HIP1: variants seen among roughly 807,000 people sequenced by gnomAD.
HIP1 encodes huntingtin-interacting protein 1.
Under a neutral mutation model 147.6 loss-of-function variants are expected in HIP1, and 65 were observed. The ratio of observed to expected loss-of-function variants is 0.44; its 90% CI spans 0.36 to 0.54. The LOEUF (loss-of-function observed/expected upper bound fraction) is 0.54. HIP1 is among the 20% of genes least tolerant of loss of function. The pLI is 0.00. For missense variants in HIP1, 1,061 were observed against 1,299.6 expected (o/e 0.82, Z 2.82); for synonymous variants, 479 against 504.0 (o/e 0.95, Z 0.67).
At chr7:75,636,507 C>A (rs587709141) in intron 1 of HIP1, among the ~76,000 whole-genome samples, 23 of 152,324 alleles carry the variant, frequency 1.5e-4, no homozygotes, top group African/African-American at 5.5e-4. Context: ...CAAAGGCCCC[C>A]AGAGCGAGGA....
At position 75,537,115 on chromosome 7, in the gene HIP1, A is replaced by T. The variant is rs1794110861; in HGVS notation, c.*1057T>A. 8.6e-6 allele frequency: 2 copies of T among 232,588 alleles called. No individual in the cohort carries two copies. The highest frequency in any genetic ancestry group is 5.6e-5 in the Admixed American group (1 of 17,754). The allele number at this position is 232,588 out of a possible 1,614,324, so 14.4% of individuals were successfully genotyped here. A position where few individuals can be genotyped will look rare whatever the true frequency, so the allele number is the denominator to read the frequency against. Reference sequence around the variant, plus strand: ...GACAGAGACCATTCACGGACAGTTCATTCCGGCAGGGAAGTAGTGTTGTTG... The same window carrying T: ...GACAGAGACCATTCACGGACAGTTCTTTCCGGCAGGGAAGTAGTGTTGTTG... On this transcript the variant is annotated 3_prime_UTR_variant, in exon 31 of 31. Transcript: ENST00000336926.
chr7:75,670,689 C>G (rs1554515186), intron 1 of HIP1, among the ~76,000 whole-genome samples: 1 of 151,762 alleles, frequency 6.6e-6, no homozygotes, highest in Non-Finnish European at 1.5e-5. Flanking sequence ...ACACAGCTCA[C>G]TGCGGCTTTG....
chr7:75,542,075 G>A, intron 28 of HIP1, 95 bp from the exon 29 acceptor site: 2 of 1,010,522 alleles, frequency 2.0e-6, no homozygotes, highest in Non-Finnish European at 3.2e-6. Flanking sequence ...GGAAACGCCT[G>A]GCTTGCCATT....
intron 7 of HIP1, among the ~76,000 whole-genome samples, chr7:75,575,997 G>A (rs1351633042): frequency 1.3e-5 from 2 of 152,130 alleles, no homozygotes; most frequent in African/African-American, 4.8e-5. Context: ...TCACTGCAAG[G>A]CAGCCATCCC....
intron 1 of HIP1, among the ~76,000 whole-genome samples, chr7:75,605,515 C>A (rs1554503699): frequency 6.6e-6 from 1 of 152,054 alleles, no homozygotes; most frequent in Admixed American, 6.6e-5. Flanking sequence ...GGTGAGAATT[C>A]AGGGAGGAAG....
At chr7:75,601,043 C>G (rs1190172905) in intron 1 of HIP1, among the ~76,000 whole-genome samples, 1 of 152,098 alleles carries the variant, frequency 6.6e-6, no homozygotes, top group South Asian at 2.1e-4. Flanking sequence ...CAGGCATGAG[C>G]CACTGTCCCC....
chr7:75,537,255 C>G lies in HIP1; in HGVS notation c.*917G>C, dbSNP rs1794117299. The G allele has an allele frequency of 4.3e-6, 1 of 232,856 alleles. No homozygotes were observed. The highest frequency in any genetic ancestry group is 8.5e-6 in the Non-Finnish European group (1 of 117,644). 14.4% of individuals were successfully genotyped at this position (232,856 alleles called of 1,614,324 possible). ...TTGTCTTCTCCCTTGTAAAGGCGGA[C>G]AGAGGCTTTCCGCCGGGATTCAGCT... is the stretch of plus-strand genomic sequence containing the variant. On this transcript the variant is annotated 3_prime_UTR_variant, in exon 31 of 31. Transcript: ENST00000336926.
chr7:75,537,892 A>C lies in HIP1; in HGVS notation c.*280T>G. On this transcript the variant is annotated 3_prime_UTR_variant, in exon 31 of 31. Transcript: ENST00000336926. ...TCTCTGTTGAGTGGCCCTGCCCCCC[A>C]CCACCCCTCTTCGTACCTAGGCTTG... The C allele has an allele frequency of 2.0e-6, 1 of 498,286 alleles. No homozygotes were observed. Among genetic ancestry groups the C allele is most frequent in the South Asian group, 2.4e-5 (1 of 41,982 alleles). The allele number at this position is 498,286 out of a possible 1,614,324, so 30.9% of individuals were successfully genotyped here. A position where few individuals can be genotyped will look rare whatever the true frequency, so the allele number is the denominator to read the frequency against.
chr7:75,566,582 T>C (rs587720200), intron 9 of HIP1, among the ~76,000 whole-genome samples: 2 of 151,656 alleles, frequency 1.3e-5, no homozygotes, highest in Admixed American at 1.3e-4. Context: ...AAACTGTCAC[T>C]GCACACTGGT....
chr7:75,601,750 G>T (rs587678270), intron 1 of HIP1, among the ~76,000 whole-genome samples: 173 of 152,220 alleles, frequency 1.1e-3, no homozygotes, highest in African/African-American at 3.9e-3. Context: ...GAATGGTTGC[G>T]ATGGAGACCA....
chr7:75,590,298 C>T (rs1391532217), intron 4 of HIP1, among the ~76,000 whole-genome samples: 3 of 151,994 alleles, frequency 2.0e-5, no homozygotes, highest in Non-Finnish European at 4.4e-5. Flanking sequence ...TTGTGTTATA[C>T]AGGAAACAAA....
chr7:75,592,317 A>T (rs1392185521), intron 3 of HIP1, 55 bp downstream of exon 3: 2 of 1,565,752 alleles, frequency 1.3e-6, no homozygotes, highest in African/African-American at 2.7e-5. Context: ...CCAGGCAGTC[A>T]CTTTCCCCAC....
intron 1 of HIP1, among the ~76,000 whole-genome samples, chr7:75,607,226 TTG>T (rs144397185): frequency 2.2e-4 from 30 of 139,004 alleles, no homozygotes; most frequent in African/African-American, 6.8e-4. Flanking sequence ...GAGTTGTTTT[TTG>T]TTTTGTTTTT....
chr7:75,545,194 G>A lies in HIP1; in HGVS notation c.2560-6C>T. 1.9e-6 allele frequency: 3 copies of A among 1,578,064 alleles called. No individual in the cohort carries two copies. The highest frequency in any genetic ancestry group is 3.4e-5 in the Admixed American group (2 of 58,060). On this transcript the variant is annotated splice_region_variant and splice_polypyrimidine_tract_variant and intron_variant, in intron 25 of 30. Transcript: ENST00000336926. ...TCTTTAGGGGATGCTGTACCCTAGG[G>A]AAATAAAAAATAGTAATAGCCACCT...
At chr7:75,635,490 A>C (rs1798390816) in intron 1 of HIP1, among the ~76,000 whole-genome samples, 1 of 150,520 alleles carries the variant, frequency 6.6e-6, no homozygotes, top group Non-Finnish European at 1.5e-5. Context: ...AGGCAGGAGA[A>C]TCGCTTGAAC....
intron 1 of HIP1, among the ~76,000 whole-genome samples, chr7:75,649,086 A>T (rs531849826): frequency 2.6e-5 from 4 of 151,900 alleles, no homozygotes; most frequent in African/African-American, 9.7e-5. Flanking sequence ...GTGCAATGGC[A>T]TGATTCCGGC....
intron 1 of HIP1, among the ~76,000 whole-genome samples, chr7:75,659,174 C>T (rs1167515578): frequency 6.6e-6 from 1 of 152,172 alleles, no homozygotes; most frequent in African/African-American, 2.4e-5. Flanking sequence ...GGCTTTCCCC[C>T]AAATCCTGAA....
At chr7:75,631,126 A>C (rs1220497567) in intron 1 of HIP1, among the ~76,000 whole-genome samples, 6 of 149,038 alleles carry the variant, frequency 4.0e-5, no homozygotes, top group Non-Finnish European at 9.0e-5. Context: ...AAACCCAGAT[A>C]ATTTGTTTTT....
chr7:75,641,736 C>A (rs572264816), intron 1 of HIP1, among the ~76,000 whole-genome samples: 1 of 152,250 alleles, frequency 6.6e-6, no homozygotes, highest in African/African-American at 2.4e-5. Context: ...ACCTCAGCCT[C>A]CCAAAGTGCT....
Sources: gnomAD v4.1 joint callset for allele counts (sites outside exome capture counted in the v4.1 genomes callset) on GRCh38, gnomAD v4.1.1 for gene constraint, MANE v1.5 for transcripts, NCBI Gene and HGNC (gene_info 2026-07-23, HGNC 2026-07-21) for gene names.